PRPSAP2: variants seen among roughly 807,000 people sequenced by gnomAD.
PRPSAP2 encodes phosphoribosyl pyrophosphate synthase-associated protein 2.
A neutral mutation model predicts 40.6 loss-of-function variants in PRPSAP2; 24 were observed. That is an observed-to-expected ratio of 0.59 (90% CI 0.43 to 0.83). PRPSAP2 has a LOEUF of 0.83. PRPSAP2 is among the 40% of genes least tolerant of loss of function. The pLI is 0.00. For missense variants in PRPSAP2, 292 were observed against 465.6 expected, an observed-to-expected ratio of 0.63 and a Z score of 3.43; for synonymous variants, 149 against 164.7, an observed-to-expected ratio of 0.90 and a Z score of 0.73.
chr17:18,863,369 G>A (rs185032663), intron 1 of PRPSAP2, among the ~76,000 whole-genome samples: 7 of 152,162 alleles, frequency 4.6e-5, no homozygotes, highest in Admixed American at 1.3e-4. Context: ...GGGATTAGCG[G>A]TGTGAGTTGC....
At chr17:18,880,704 C>T (rs763786910) in intron 6 of PRPSAP2, among the ~76,000 whole-genome samples, 2 of 149,954 alleles carry the variant, frequency 1.3e-5, no homozygotes, top group South Asian at 2.1e-4. Flanking sequence ...CCACCACACC[C>T]GGCTGACTTG....
At chr17:18,870,004 C>T (rs927531482) in intron 4 of PRPSAP2, among the ~76,000 whole-genome samples, 7 of 151,902 alleles carry the variant, frequency 4.6e-5, no homozygotes, top group Admixed American at 3.9e-4. Context: ...TGTGCCAGCA[C>T]GCCCGGCTAA....
intron 8 of PRPSAP2, among the ~76,000 whole-genome samples, chr17:18,903,793 A>G (rs564643944): frequency 4.7e-4 from 71 of 152,282 alleles, no homozygotes; most frequent in African/African-American, 1.6e-3. Flanking sequence ...TGGCATCAAC[A>G]CAGTAAAGTC....
chr17:18,902,571 C>A (rs1176550104), intron 8 of PRPSAP2, among the ~76,000 whole-genome samples: 1 of 151,814 alleles, frequency 6.6e-6, no homozygotes, highest in African/African-American at 2.4e-5. Context: ...TGAGTGTTGG[C>A]CAAATATGAT....
chr17:18,896,218 T>C (rs1281751686), intron 8 of PRPSAP2, among the ~76,000 whole-genome samples: 2 of 152,234 alleles, frequency 1.3e-5, no homozygotes, highest in African/African-American at 2.4e-5. Flanking sequence ...TATGTTTGTT[T>C]AGTGGCCACC....
At chr17:18,879,051 G>A (rs534984179) in intron 6 of PRPSAP2, among the ~76,000 whole-genome samples, 1 of 152,070 alleles carries the variant, frequency 6.6e-6, no homozygotes, top group South Asian at 2.1e-4. Flanking sequence ...TGTATTTTTA[G>A]TAGAGATGGG....
At chr17:18,903,833 T>C (rs777813630) in intron 8 of PRPSAP2, among the ~76,000 whole-genome samples, 1 of 152,212 alleles carries the variant, frequency 6.6e-6, no homozygotes, top group Non-Finnish European at 1.5e-5. Context: ...CCCGTAGCTA[T>C]GTGGTGGTGA....
At chr17:18,862,788 C>T (rs1039128746) in intron 1 of PRPSAP2, among the ~76,000 whole-genome samples, 7 of 149,754 alleles carry the variant, frequency 4.7e-5, no homozygotes, top group Admixed American at 3.3e-4. Flanking sequence ...ACCTGTAACA[C>T]CCTTTTATTT....
intron 9 of PRPSAP2, among the ~76,000 whole-genome samples, chr17:18,923,488 G>A (rs1165879124): frequency 1.3e-5 from 2 of 149,852 alleles, no homozygotes; most frequent in Non-Finnish European, 3.0e-5. Context: ...TTTGTACTTG[G>A]CAACTTGGCT....
intron 6 of PRPSAP2, among the ~76,000 whole-genome samples, chr17:18,881,517 C>T (rs890803922): frequency 3.9e-5 from 6 of 151,996 alleles, no homozygotes; most frequent in Non-Finnish European, 5.9e-5. Flanking sequence ...GGATTACAGG[C>T]GTGAGCCACC....
intron 1 of PRPSAP2, chr17:18,859,332 G>C (rs2036829886): frequency 6.6e-6 from 1 of 152,214 alleles, no homozygotes; most frequent in South Asian, 2.1e-4. Flanking sequence ...TTTGCTCTCT[G>C]TATGCAGAAT....
At chr17:18,862,440 G>A (rs1567661285) in intron 1 of PRPSAP2, among the ~76,000 whole-genome samples, 1 of 119,350 alleles carries the variant, frequency 8.4e-6, no homozygotes, top group Admixed American at 8.3e-5. Flanking sequence ...TTATTTGAAG[G>A]TTAGGGGGTG....
intron 5 of PRPSAP2, among the ~76,000 whole-genome samples, chr17:18,876,919 G>C (rs1319364428): frequency 6.6e-6 from 1 of 152,068 alleles, no homozygotes; most frequent in African/African-American, 2.4e-5. Context: ...GAGGGGAGGG[G>C]CAGATCCTCA....
intron 9 of PRPSAP2, among the ~76,000 whole-genome samples, chr17:18,914,615 T>G (rs916112076): frequency 6.6e-6 from 1 of 152,150 alleles, no homozygotes; most frequent in Admixed American, 6.6e-5. Context: ...AATATTTAAG[T>G]TCTACCTCCC....
Position 18,930,638 on chromosome 17 carries a change from T to C in PRPSAP2, c.1050T>C (p.Arg350=). The change falls in exon 12 of 12, where the codon CGT becomes CGC. Residue 350 remains arginine, a synonymous_variant. Transcript: ENST00000268835. ...DISMILSEAI[R]RIHNGESMSY... ...GCATGATCCTTTCAGAGGCGATCCGTCGGATCCACAATGGGGAGTCCATGT... is the reference window on the plus strand; with the variant it reads ...GCATGATCCTTTCAGAGGCGATCCGCCGGATCCACAATGGGGAGTCCATGT... The C allele has an allele frequency of 6.2e-7, 1 of 1,613,978 alleles. No individual in the cohort carries two copies. The highest frequency in any genetic ancestry group is 8.5e-7 in the Non-Finnish European group (1 of 1,179,880).
At chr17:18,858,762 A>C (rs2036785366) in intron 1 of PRPSAP2, 2 of 152,088 alleles carry the variant, frequency 1.3e-5, no homozygotes. Context: ...ATTCTGCTTG[A>C]TGATAATAAT....
At chr17:18,917,238 GA>G (rs2041371313) in intron 9 of PRPSAP2, among the ~76,000 whole-genome samples, 1 of 152,024 alleles carries the variant, frequency 6.6e-6, no homozygotes, top group Admixed American at 6.6e-5. Context: ...TGAGGAAGAG[GA>G]AAGGCAGTTT....
chr17:18,870,183 G>T (rs756390053), intron 4 of PRPSAP2, among the ~76,000 whole-genome samples: 1 of 152,050 alleles, frequency 6.6e-6, no homozygotes, highest in African/African-American at 2.4e-5. Flanking sequence ...GTGAACTACC[G>T]CCTAGCTTGA....
intron 1 of PRPSAP2, among the ~76,000 whole-genome samples, chr17:18,863,511 C>T (rs1197915323): frequency 2.1e-5 from 3 of 143,368 alleles, no homozygotes; most frequent in Non-Finnish European, 4.6e-5. Flanking sequence ...TTCTTTCTTC[C>T]CTTTCTTTCT....
Sources: gnomAD v4.1 joint callset for allele counts (sites outside exome capture counted in the v4.1 genomes callset) on GRCh38, gnomAD v4.1.1 for gene constraint, MANE v1.5 for transcripts, NCBI Gene and HGNC (gene_info 2026-07-23, HGNC 2026-07-21) for gene names.